CCDC187: variants seen among roughly 807,000 people sequenced by gnomAD.
The protein encoded by CCDC187 is coiled-coil domain containing 187.
A neutral mutation model predicts 38.0 loss-of-function variants in CCDC187; 32 were observed. The ratio of observed to expected loss-of-function variants is 0.84; its 90% CI spans 0.64 to 1.13. The LOEUF (loss-of-function observed/expected upper bound fraction) is 1.13, where lower values mean the gene tolerates loss of function less well. CCDC187 is among the 50% of genes most tolerant of loss of function. The pLI, the probability that CCDC187 is intolerant of heterozygous loss-of-function variation, is 0.00. For synonymous variants in CCDC187, 333 were observed against 347.9 expected (o/e 0.96, Z 0.48); for missense variants, 707 against 786.8 (o/e 0.90, Z 1.21).
intron 1 of CCDC187, among the ~76,000 whole-genome samples, 190 bp from the exon 2 acceptor site, chr9:136,303,483 G>A (rs1411042852): frequency 6.6e-6 from 1 of 152,250 alleles, no homozygotes; most frequent in African/African-American, 2.4e-5. Flanking sequence ...ACACCCCTCT[G>A]AGGTAGGTAA....
At chr9:136,301,032 C>T (rs1831668295) in intron 2 of CCDC187, among the ~76,000 whole-genome samples, 2 of 152,222 alleles carry the variant, frequency 1.3e-5, no homozygotes, top group Non-Finnish European at 2.9e-5. Context: ...GGCAGTGGCT[C>T]CGCGGAGCCA....
chr9:136,274,130 C>T (rs1379011486), intron 14 of CCDC187, among the ~76,000 whole-genome samples: 3 of 152,162 alleles, frequency 2.0e-5, no homozygotes, highest in East Asian at 1.9e-4. Context: ...TTCCTGTTCC[C>T]GAAGATGCCA....
At position 136,292,658 on chromosome 9, in the gene CCDC187, G is replaced by A. The variant is rs886771966; in HGVS notation, c.833-363C>T. Among the ~76,000 whole-genome samples the A allele has an allele frequency of 1.4e-4, 22 of 152,290 alleles. No homozygotes were observed. The East Asian group carries it at 4.1e-3, about 28-fold the overall frequency. ...ACGCAGCACATGTGAAAGAAACGCC[G>A]AGCAGCAGCAGCAGCTGGAGTGACA... is the stretch of plus-strand genomic sequence containing the variant. On this transcript the variant is annotated intron_variant, in intron 4 of 25. Coordinates refer to ENST00000638797, the MANE Select transcript of CCDC187 (RefSeq NM_001378188.1).
At chr9:136,290,443 C>T in intron 6 of CCDC187, 43 bp downstream of exon 6, 1 of 398,704 alleles carries the variant, frequency 2.5e-6, no homozygotes, top group Non-Finnish European at 4.4e-6. Context: ...AGCCTCTGGC[C>T]CATGGCTGAG....
intron 7 of CCDC187, among the ~76,000 whole-genome samples, chr9:136,287,429 T>C (rs1831207875): frequency 6.6e-6 from 1 of 152,164 alleles, no homozygotes; most frequent in East Asian, 1.9e-4. Context: ...ACGCACCAGA[T>C]CACCGCAACT....
chr9:136,282,397 G>A (rs1045907108), intron 9 of CCDC187, among the ~76,000 whole-genome samples: 10 of 152,228 alleles, frequency 6.6e-5, no homozygotes, highest in African/African-American at 9.6e-5. Flanking sequence ...TACCAGGCAC[G>A]GGGAGGCAGT....
rs542459231 is a variant in CCDC187, at chr9:136,259,549, G to A, written c.4211-101C>T. 10 of 453,684 alleles carry A rather than the reference G, an allele frequency of 2.2e-5. No individual in the cohort carries two copies. In the South Asian group the frequency reaches 7.5e-4, roughly 34 times the overall value. The allele number at this position is 453,684 out of a possible 1,614,324, so 28.1% of individuals were successfully genotyped here. On this transcript the variant is annotated intron_variant, in intron 20 of 25. Coordinates refer to ENST00000638797, the MANE Select transcript of CCDC187 (RefSeq NM_001378188.1). ...CAGAATGGAGCTGCCAGGGGGTGGG[G>A]GATGGGGAGAGACAAGCTAACCTCA...
In CCDC187 at chr9:136,303,293, C is replaced by G; in HGVS notation, c.144G>C (p.Arg48Ser). 2.5e-6 allele frequency: 1 copy of G among 397,598 alleles called. No homozygotes were observed. Among genetic ancestry groups the G allele is most frequent in the Non-Finnish European group, 4.4e-6 (1 of 225,938 alleles). 24.6% of individuals were successfully genotyped at this position (397,598 alleles called of 1,614,324 possible). Residue 48 changes from arginine to serine, a missense_variant and splice_region_variant, in exon 2 of 26, where the codon AGG (arginine) becomes AGC (serine). By Grantham distance (110) the Arg-to-Ser change is moderately radical. Coordinates refer to ENST00000638797, the MANE Select transcript of CCDC187 (RefSeq NM_001378188.1). ...CATCCTCAGCTGCAGGTGCGCAGAG[C>G]CTGGGAGGGAACGGCAGACATGCCG... ...AADWKAVAKP[R>S]LCAPAAEDDV... is the part of the protein sequence containing the mutation.
At chr9:136,285,395 T>A in intron 9 of CCDC187, 118 bp downstream of exon 9, 1 of 310,988 alleles carries the variant, frequency 3.2e-6, no homozygotes, top group Non-Finnish European at 5.7e-6. Context: ...CACATGGGGG[T>A]GAAGTGAGAG....
intron 17 of CCDC187, among the ~76,000 whole-genome samples, chr9:136,265,182 G>A (rs910303119): frequency 1.4e-4 from 22 of 152,174 alleles, no homozygotes; most frequent in Admixed American, 8.5e-4. Context: ...GGCAGGGGCC[G>A]GCAAGGGTCC....
chr9:136,273,123 A>C (rs1249209898), intron 14 of CCDC187, among the ~76,000 whole-genome samples: 1 of 152,232 alleles, frequency 6.6e-6, no homozygotes. Context: ...TAAAGGACAG[A>C]CAGAACAAAA....
At chr9:136,305,291 G>A (rs950292180), upstream of CCDC187, among the ~76,000 whole-genome samples, 2 of 152,242 alleles carry the variant, frequency 1.3e-5, no homozygotes, top group Non-Finnish European at 1.5e-5. Flanking sequence ...TGGGGAACAT[G>A]TCTGGGATGT....
At chr9:136,291,755 G>A (rs1010669339) in intron 5 of CCDC187, 110 bp from the exon 6 acceptor site, 12 of 397,800 alleles carry the variant, frequency 3.0e-5, no homozygotes, top group Non-Finnish European at 4.9e-5. Flanking sequence ...GGAGGCCCTC[G>A]GGCCCCTGCT....
intron 14 of CCDC187, among the ~76,000 whole-genome samples, chr9:136,268,606 G>A (rs76758519): frequency 0.015 from 2,311 of 152,242 alleles, 50 homozygotes; most frequent in African/African-American, 0.052. Flanking sequence ...CCTTAAGGAC[G>A]TTCCCTCCCA....
chr9:136,254,005 C>A lies in CCDC187; in HGVS notation c.5823G>T (p.Leu1941=), dbSNP rs1830581467. ...TGCCTGGGTCCCCAGGAGGAGCCTGCAGGGTCACCGGGGTCTCGGGCTCTG... is the reference window on the plus strand; with the variant it reads ...TGCCTGGGTCCCCAGGAGGAGCCTGAAGGGTCACCGGGGTCTCGGGCTCTG... ...LMPEPETPVT[L]QAPPGDPGRL... The change falls in exon 26 of 26, where the codon CTG becomes CTT. Residue 1941 remains leucine (L), a synonymous_variant. Coordinates refer to ENST00000638797, the MANE Select transcript of CCDC187 (RefSeq NM_001378188.1). The A allele has an allele frequency of 2.0e-6, 2 of 981,298 alleles. No homozygotes were observed. The highest frequency in any genetic ancestry group is 2.4e-6 in the Non-Finnish European group (2 of 827,194). The allele number at this position is 981,298 out of a possible 1,614,324, so 60.8% of individuals were successfully genotyped here.
In CCDC187 at chr9:136,251,270, A is replaced by C. The variant is rs1484868811; in HGVS notation, c.*2324T>G. The C allele has an allele frequency of 1.2e-5, 4 of 330,382 alleles. No individual in the cohort carries two copies. Among genetic ancestry groups the C allele is most frequent in the African/African-American group, 4.3e-5 (2 of 46,430 alleles). 20.5% of individuals were successfully genotyped at this position (330,382 alleles called of 1,614,324 possible). A position where few individuals can be genotyped will look rare whatever the true frequency, so the allele number is the denominator to read the frequency against. The stretch of plus-strand genomic sequence containing the variant: ...GAAGCAAAGAAAAGTCCATGGCACC[A>C]GGAGAAATCAGCTGCCCTGGCCTTC... On this transcript the variant is annotated 3_prime_UTR_variant, in exon 26 of 26. Coordinates refer to ENST00000638797, the MANE Select transcript of CCDC187 (RefSeq NM_001378188.1).
At chr9:136,289,836 C>CCACCTGAG in intron 7 of CCDC187, 123 bp downstream of exon 7, 2 of 394,496 alleles carry the variant, frequency 5.1e-6, no homozygotes, top group Middle Eastern at 1.3e-3. Context: ...AGAGCCTGCC[C>CCACCTGAG]CACCTGAGGA....
intron 9 of CCDC187, among the ~76,000 whole-genome samples, chr9:136,282,482 C>G (rs1014886512): frequency 8.6e-5 from 13 of 151,610 alleles, no homozygotes; most frequent in African/African-American, 2.9e-4. Context: ...AGCCTGCATC[C>G]GGGGCATGTG....
chr9:136,270,669 A>T (rs1170534110), intron 14 of CCDC187, among the ~76,000 whole-genome samples: 1 of 152,156 alleles, frequency 6.6e-6, no homozygotes, highest in Non-Finnish European at 1.5e-5. Context: ...TCCCACAAGA[A>T]GCTGGTGGAG....
Sources: allele counts gnomAD v4.1 joint callset (sites outside exome capture counted in the v4.1 genomes callset), GRCh38; gene constraint gnomAD v4.1.1; transcripts MANE v1.5; gene names NCBI Gene and HGNC (gene_info 2026-07-23, HGNC 2026-07-21).